Variants in SPATA18 observed in about 807,000 individuals in gnomAD.
SPATA18 encodes the protein mitochondria-eating protein.
Under a neutral mutation model 68.1 loss-of-function variants are expected in SPATA18, and 54 were observed. That is an observed-to-expected ratio of 0.79 (90% CI 0.64 to 0.99). The LOEUF is 0.99. Ranked by LOEUF, SPATA18 falls within the 50% of genes least tolerant of loss-of-function variation. SPATA18 has a pLI of 0.00. For synonymous variants in SPATA18, 242 were observed against 244.8 expected (o/e 0.99, Z 0.11); for missense variants, 724 against 681.1 (o/e 1.06, Z -0.70).
intron 9 of SPATA18, among the ~76,000 whole-genome samples, chr4:52,080,143 T>C (rs1485028298): frequency 6.6e-6 from 1 of 152,206 alleles, no homozygotes; most frequent in Non-Finnish European, 1.5e-5. Flanking sequence ...AATGAGGACT[T>C]GGAGCCTATC....
Position 52,095,540 on chromosome 4 carries a change from C to T in SPATA18, c.*653C>T, listed in dbSNP as rs1022172846. On this transcript the variant is annotated 3_prime_UTR_variant, in exon 13 of 13. Transcript: ENST00000295213. ...GAGTGCCCAGTTTGGTTTAGTTGAC[C>T]AATGAATGTCAAAGCTACTTAGTTG... The T allele has an allele frequency of 6.6e-6, 1 of 152,108 alleles. No homozygotes were observed. The highest frequency in any genetic ancestry group is 1.5e-5 in the Non-Finnish European group (1 of 68,050). The allele number at this position is 152,108 out of a possible 1,614,324, so 9.4% of individuals were successfully genotyped here.
rs767642434 is a variant in SPATA18 at position 52,051,672 on chromosome 4, C to A, written c.-33C>A. 6.2e-7 allele frequency: 1 copy of A among 1,608,970 alleles called. No individual in the cohort carries two copies. Among genetic ancestry groups the A allele is most frequent in the Non-Finnish European group, 8.5e-7 (1 of 1,175,312 alleles). ...CCGCCTGGTCCCCCCAAGTCTCCAT[C>A]GCGCAGCGTGGGGCCGAGAGGAATA... On this transcript the variant is annotated 5_prime_UTR_variant, in exon 1 of 13. Coordinates refer to ENST00000295213, the MANE Select transcript of SPATA18 (RefSeq NM_145263.4).
At chr4:52,060,933 A>G (rs894373966) in intron 3 of SPATA18, 36 bp downstream of exon 3, 1 of 1,543,228 alleles carries the variant, frequency 6.5e-7, no homozygotes, top group Non-Finnish European at 8.9e-7. Context: ...GACTTTCTGA[A>G]CAGTGAGATA....
At chr4:52,070,539 TA>T (rs1236263689) in intron 5 of SPATA18, among the ~76,000 whole-genome samples, 18 of 81,118 alleles carry the variant, frequency 2.2e-4, no homozygotes, top group Non-Finnish European at 3.7e-4. Context: ...TGTTGTGGGG[TA>T]GGGGGAGGGG....
chr4:52,078,735 G>A lies in SPATA18; in HGVS notation c.1021G>A (p.Glu341Lys). ...AAATTTGCTGCATTTTTATGTGCAG[G>A]AGGCATTCCATGTAGCAAAAATGGC... ...VQRIIYIATV[E>K]AFHVAKMAFR... The change falls in exon 8 of 13, where the codon GAG becomes AAG. Residue 341 changes from glutamate to lysine, a missense_variant and splice_region_variant. Physicochemically the swap from Glu to Lys is moderately conservative, Grantham distance 56. Transcript: ENST00000295213. 1 of 1,567,702 alleles carries A rather than the reference G, an allele frequency of 6.4e-7. No homozygotes were observed. The highest frequency in any genetic ancestry group is 1.2e-5 in the South Asian group (1 of 86,888).
At chr4:52,066,085 A>G (rs1394904273) in intron 4 of SPATA18, among the ~76,000 whole-genome samples, 1 of 152,112 alleles carries the variant, frequency 6.6e-6, no homozygotes, top group African/African-American at 2.4e-5. Flanking sequence ...TTCTTGGTCA[A>G]CCACCATCCG....
rs940633962 is a variant in SPATA18, at chr4:52,097,031, A to G, written c.*2144A>G. On this transcript the variant is annotated 3_prime_UTR_variant, in exon 13 of 13. Transcript: ENST00000295213. ...GCCACTTGCTGTTTCTTCAGTTTCT[A>G]ATTTGAGCTGTAACTACACAAGGAA... 1 of 152,126 alleles carries G rather than the reference A, an allele frequency of 6.6e-6. No homozygotes were observed. The highest frequency in any genetic ancestry group is 2.4e-5 in the African/African-American group (1 of 41,440). 9.4% of individuals were successfully genotyped at this position (152,126 alleles called of 1,614,324 possible).
At chr4:52,089,225 A>T (rs373790241) in intron 11 of SPATA18, among the ~76,000 whole-genome samples, 6 of 151,826 alleles carry the variant, frequency 4.0e-5, no homozygotes, top group African/African-American at 4.8e-5. Flanking sequence ...GATCTTTTTT[A>T]AAAAAACCAG....
intron 9 of SPATA18, 52 bp from the exon 10 acceptor site, chr4:52,082,313 CACACTGATGTTTTCCCCTAGAT>C (rs1740996683): frequency 2.2e-6 from 3 of 1,367,662 alleles, no homozygotes; most frequent in Non-Finnish European, 2.1e-6. Flanking sequence ...AATGAGAATT[CACACTGATGTTTTCCCCTAGAT>C]ATGCTCCATA....
rs1740788759 is a variant in SPATA18 at position 52,080,062 on chromosome 4, T to G, written c.1355+143T>G. ...ATTTTCAGGCCCTACCATATACTTC[T>G]CTGTACTCCAGGGCAGGACCCACTC... On this transcript the variant is annotated intron_variant, in intron 9 of 12. Coordinates refer to ENST00000295213, the MANE Select transcript of SPATA18 (RefSeq NM_145263.4). 7 of 845,534 alleles carry G rather than the reference T, an allele frequency of 8.3e-6. No homozygotes were observed. The Admixed American group carries it at 2.0e-4, about 24-fold the overall frequency. The allele number at this position is 845,534 out of a possible 1,614,324, so 52.4% of individuals were successfully genotyped here.
At chr4:52,081,275 C>T (rs1740895714) in intron 9 of SPATA18, among the ~76,000 whole-genome samples, 3 of 152,334 alleles carry the variant, frequency 2.0e-5, no homozygotes, top group Non-Finnish European at 2.9e-5. Context: ...CATTCTCTGG[C>T]CTGTGTGCCT....
intron 9 of SPATA18, among the ~76,000 whole-genome samples, chr4:52,081,173 AT>A (rs1740888848): frequency 6.6e-6 from 1 of 152,108 alleles, no homozygotes. Context: ...ACCATTCACC[AT>A]TTTAGTTTAT....
In SPATA18 at chr4:52,051,747, C is replaced by A. The variant is rs111604705; in HGVS notation, c.43C>A (p.Arg15=). ...AAGACTGGTCTCAAACGAAACTTTA[C>A]GAACGTTGCAGGAAAAGCTAGACTT... ...LKRLVSNETL[R]TLQEKLDFWL... Residue 15 remains arginine (R), a synonymous_variant, in exon 1 of 13, where the codon CGA becomes AGA. Coordinates refer to ENST00000295213, the MANE Select transcript of SPATA18 (RefSeq NM_145263.4). The A allele has an allele frequency of 4.4e-4, 712 of 1,614,210 alleles. 1 individual carries two copies. Among genetic ancestry groups the A allele is most frequent in the Non-Finnish European group, 5.7e-4 (669 of 1,180,046 alleles).
At position 52,072,052 on chromosome 4, in the gene SPATA18, A is replaced by G. The variant is rs749188289; in HGVS notation, c.654A>G (p.Ala218=). 8 of 1,613,998 alleles carry G rather than the reference A, an allele frequency of 5.0e-6. No individual in the cohort carries two copies. In the South Asian group the frequency reaches 8.8e-5, roughly 18 times the overall value. Residue 218 remains alanine, a synonymous_variant, in exon 6 of 13, where the codon GCA becomes GCG. Transcript: ENST00000295213. ...REQWNSLKQN[A]DQQDTEAMSD... ...AGTGGAACTCACTCAAGCAGAATGC[A>G]GACCAGCAGGACACAGAAGCCATGT...
intron 6 of SPATA18, among the ~76,000 whole-genome samples, chr4:52,073,632 T>C (rs565804104): frequency 2.6e-5 from 4 of 152,076 alleles, no homozygotes; most frequent in Non-Finnish European, 4.4e-5. Context: ...AATGAATAAA[T>C]TAGCTGGGTA....
intron 1 of SPATA18, 45 bp downstream of exon 1, chr4:52,051,836 T>C: frequency 1.3e-6 from 2 of 1,547,134 alleles, no homozygotes; most frequent in Non-Finnish European, 1.8e-6. Context: ...TCCCATAGGT[T>C]CCAGCACAGC....
chr4:52,065,621 A>G (rs1739245963), intron 4 of SPATA18, among the ~76,000 whole-genome samples: 1 of 152,182 alleles, frequency 6.6e-6, no homozygotes. Context: ...GGTATCACTA[A>G]AAGAATTTGT....
chr4:52,072,448 G>C (rs1478208346), intron 6 of SPATA18, among the ~76,000 whole-genome samples: 1 of 152,016 alleles, frequency 6.6e-6, no homozygotes, highest in Admixed American at 6.5e-5. Context: ...TGTCACCCAG[G>C]CTGGAGTGCA....
At position 52,080,593 on chromosome 4, in the gene SPATA18, C is replaced by G. The variant is rs957424044; in HGVS notation, c.1355+674C>G. Among the ~76,000 whole-genome samples, 7 of 152,268 alleles carry G rather than the reference C, an allele frequency of 4.6e-5. No individual in the cohort carries two copies. The East Asian group carries it at 1.4e-3, about 29-fold the overall frequency. On this transcript the variant is annotated intron_variant, in intron 9 of 12. Transcript: ENST00000295213. The stretch of plus-strand genomic sequence containing the variant: ...GAAATCAAGCTAGTGGTTAAGAACA[C>G]AAGCTAGTGGTTAAGAACCTAAGCA...
Sources: allele counts gnomAD v4.1 joint callset (sites outside exome capture counted in the v4.1 genomes callset), GRCh38; gene constraint gnomAD v4.1.1; transcripts MANE v1.5; gene names NCBI Gene and HGNC (gene_info 2026-07-23, HGNC 2026-07-21).